Variants in ERCC6L observed in about 807,000 individuals in gnomAD.
The protein encoded by ERCC6L is ERCC excision repair 6 like, spindle assembly checkpoint helicase.
A neutral mutation model predicts 20.1 loss-of-function variants in ERCC6L; 7 were observed. The ratio of observed to expected loss-of-function variants is 0.35; its 90% confidence interval spans 0.20 to 0.65. The LOEUF is 0.65. Among genes scored for constraint, ERCC6L ranks in the 30% least tolerant of loss-of-function variants. ERCC6L has a pLI of 0.69. For synonymous variants in ERCC6L, 278 were observed against 331.3 expected, an observed-to-expected ratio of 0.84 and a Z score of 1.75; for missense variants, 592 against 892.4, an observed-to-expected ratio of 0.66 and a Z score of 4.29.
At chrX:72,216,892 T>C (rs748140037) in intron 1 of ERCC6L, among the ~76,000 whole-genome samples, 3 of 111,984 alleles carry the variant, frequency 2.7e-5, no homozygotes, top group Non-Finnish European at 5.6e-5. Flanking sequence ...AATTTTTCAT[T>C]TTTAGTTAGA....
At chrX:72,224,648 G>A (rs1362548737) in intron 1 of ERCC6L, among the ~76,000 whole-genome samples, 3 of 111,343 alleles carry the variant, frequency 2.7e-5, no homozygotes, top group Non-Finnish European at 5.6e-5. Flanking sequence ...CGGAGGCTGA[G>A]GCAAGAGAAT....
At chrX:72,209,833 C>T (rs768655329) in intron 1 of ERCC6L, among the ~76,000 whole-genome samples, 1 of 111,225 alleles carries the variant, frequency 9.0e-6, no homozygotes, top group Non-Finnish European at 1.9e-5. Flanking sequence ...TCAGTAAGGG[C>T]GCCAAAATAA....
intron 1 of ERCC6L, among the ~76,000 whole-genome samples, chrX:72,224,485 G>A (rs1050153290): frequency 1.2e-4 from 13 of 111,670 alleles, no homozygotes; most frequent in Non-Finnish European, 1.7e-4. Flanking sequence ...CCTGGCTCAC[G>A]CCTGTAATCA....
rs1230861183 is a variant in ERCC6L, at chrX:72,207,432, G to A, written c.1335C>T (p.Asp445=). The A allele has an allele frequency of 2.5e-6, 3 of 1,210,796 alleles. No homozygotes were observed. In the South Asian group the frequency reaches 5.3e-5, roughly 21 times the overall value. ...GNEGEDSPDV[D]HIDQVTDDTL... Reference sequence around the variant, plus strand: ...TGTCATCAGTTACTTGATCAATATGGTCCACATCTGGGGAATCTTCCCCCT... The same window carrying A: ...TGTCATCAGTTACTTGATCAATATGATCCACATCTGGGGAATCTTCCCCCT... Residue 445 remains aspartate, a synonymous_variant, in exon 2 of 2, where the codon GAC becomes GAT. Coordinates refer to ENST00000334463, the MANE Select transcript of ERCC6L (RefSeq NM_017669.4).
chrX:72,215,964 G>A (rs2042885087), intron 1 of ERCC6L, among the ~76,000 whole-genome samples: 1 of 110,058 alleles, frequency 9.1e-6, no homozygotes, highest in Non-Finnish European at 1.9e-5. Flanking sequence ...GGCATTTCTG[G>A]GGATCTTTTT....
chrX:72,206,374 G>T lies in ERCC6L; in HGVS notation c.2393C>A (p.Thr798Asn), dbSNP rs1454242938. 8.3e-7 allele frequency: 1 copy of T among 1,208,025 alleles called. No individual in the cohort carries two copies. Among genetic ancestry groups the T allele is most frequent in the Non-Finnish European group, 1.1e-6 (1 of 894,102 alleles). ...DLSSIKVNVT[T>N]LQDGKGTGSA... is the part of the protein sequence containing the mutation. The stretch of plus-strand genomic sequence containing the variant: ...ACCTGTACCTTTACCATCTTGCAAG[G>T]TGGTAACATTCACCTTTATACTGGA... Residue 798 changes from threonine (T) to asparagine (N), a missense_variant, in exon 2 of 2, where the codon ACC (threonine) becomes AAC (asparagine). Around this residue, in one of 3 missense-constraint regions of ERCC6L, gnomAD observed 352 missense variants for 402.6 expected, o/e 0.87. Transcript: ENST00000334463.
rs753051049 is a variant in ERCC6L, at chrX:72,208,242, G to C, written c.525C>G (p.Thr175=). ...GTTCATCCTTGCTAGGACCATGAAA[G>C]GTTTTGACTCTCATTCCTGGAGTCC... ...IKWTPGMRVK[T]FHGPSKDERT... Residue 175 remains threonine (T), a synonymous_variant, in exon 2 of 2, where the codon ACC becomes ACG. Coordinates refer to ENST00000334463, the MANE Select transcript of ERCC6L (RefSeq NM_017669.4). The C allele has an allele frequency of 1.7e-6, 2 of 1,211,704 alleles. No individual in the cohort carries two copies. The highest frequency in any genetic ancestry group is 2.2e-6 in the Non-Finnish European group (2 of 895,436).
At chrX:72,220,952 A>G (rs1427946999) in intron 1 of ERCC6L, among the ~76,000 whole-genome samples, 1 of 111,887 alleles carries the variant, frequency 8.9e-6, no homozygotes, top group Non-Finnish European at 1.9e-5. Flanking sequence ...GCAGTGGGCA[A>G]CGGCAGCTCA....
chrX:72,205,233 C>T lies in ERCC6L; in HGVS notation c.3534G>A (p.Glu1178=), dbSNP rs2042810366. The T allele has an allele frequency of 2.5e-6, 3 of 1,211,706 alleles. No homozygotes were observed. In the African/African-American group the frequency reaches 5.2e-5, roughly 21 times the overall value. The change falls in exon 2 of 2, where the codon GAG becomes GAA. Residue 1178 remains glutamate (E), a synonymous_variant. Transcript: ENST00000334463. ...CAACCAACTGTTCACCAGACAAAGG[C>T]TCAGGGGCACCAAGAGAGGTCTCTT... ...LAQETSLGAP[E]PLSGEQLVGS...
rs2042821722 is a variant in ERCC6L at position 72,206,548 on chromosome X, G to C, written c.2219C>G (p.Thr740Arg). ...ATTCAATTTAGGGCATTTCTTCTTT[G>C]TTGAAGAAGGAAATACAGGTTCTCT... ...WLREPVFPSS[T>R]KKKCPKLNKP... Residue 740 changes from threonine to arginine, a missense_variant, in exon 2 of 2, where the codon ACA becomes AGA. Around this residue, in one of 3 missense-constraint regions of ERCC6L, gnomAD observed 352 missense variants for 402.6 expected, o/e 0.87. Transcript: ENST00000334463. 5 of 1,210,838 alleles carry C rather than the reference G, an allele frequency of 4.1e-6. No individual in the cohort carries two copies. Among genetic ancestry groups the C allele is most frequent in the Non-Finnish European group, 5.6e-6 (5 of 894,923 alleles).
chrX:72,220,892 C>T (rs376583334), intron 1 of ERCC6L, among the ~76,000 whole-genome samples: 15 of 111,785 alleles, frequency 1.3e-4, no homozygotes, highest in African/African-American at 3.9e-4. Flanking sequence ...TATTTGGTGC[C>T]GAAATCTGGA....
In ERCC6L at chrX:72,205,094, T is replaced by C; in HGVS notation, c.3673A>G (p.Lys1225Glu). The C allele has an allele frequency of 8.3e-7, 1 of 1,211,680 alleles. No individual in the cohort carries two copies. Among genetic ancestry groups the C allele is most frequent in the Non-Finnish European group, 1.1e-6 (1 of 895,341 alleles). The part of the protein sequence containing the change: ...KIQEALNCLV[K>E]ALDIKSADPE... Reference sequence around the variant, plus strand: ...TCTGCACTTTTTATGTCAAGCGCTTTAACTAAGCAGTTTAGGGCCTCCTGG... The same window carrying C: ...TCTGCACTTTTTATGTCAAGCGCTTCAACTAAGCAGTTTAGGGCCTCCTGG... The change falls in exon 2 of 2, where the codon AAA becomes GAA. Residue 1225 changes from lysine to glutamate, a missense_variant. By Grantham distance (56) the Lys-to-Glu change is moderately conservative (BLOSUM62 1). Coordinates refer to ENST00000334463, the MANE Select transcript of ERCC6L (RefSeq NM_017669.4).
At chrX:72,212,170 G>A (rs199878514) in intron 1 of ERCC6L, among the ~76,000 whole-genome samples, 1 of 109,979 alleles carries the variant, frequency 9.1e-6, no homozygotes, top group African/African-American at 3.3e-5. Context: ...CCAGCTACTC[G>A]GGAGGCTGAG....
intron 1 of ERCC6L, among the ~76,000 whole-genome samples, chrX:72,224,764 A>G (rs2042945125): frequency 9.0e-6 from 1 of 111,062 alleles, no homozygotes; most frequent in Non-Finnish European, 1.9e-5. Flanking sequence ...CAAACAAACA[A>G]AAAACACCCA....
Position 72,208,228 on chromosome X carries a change from C to G in ERCC6L, c.539G>C (p.Ser180Thr), listed in dbSNP as rs1391739315. The G allele has an allele frequency of 1.7e-6, 2 of 1,211,463 alleles. No homozygotes were observed. Among genetic ancestry groups the G allele is most frequent in the South Asian group, 3.5e-5 (2 of 56,976 alleles). ...GAGGTTTCTGGTCCGTTCATCCTTGCTAGGACCATGAAAGGTTTTGACTCT... is the reference window on the plus strand; with the variant it reads ...GAGGTTTCTGGTCCGTTCATCCTTGGTAGGACCATGAAAGGTTTTGACTCT... ...GMRVKTFHGP[S>T]KDERTRNLNR... The change falls in exon 2 of 2, where the codon AGC becomes ACC. Residue 180 changes from serine (S) to threonine (T), a missense_variant. Transcript: ENST00000334463.
At chrX:72,231,429 G>T (rs2042982630) in intron 1 of ERCC6L, among the ~76,000 whole-genome samples, 1 of 111,683 alleles carries the variant, frequency 9.0e-6, no homozygotes, top group African/African-American at 3.3e-5. Context: ...GGGGAAAGGA[G>T]AAATGTTAGT....
At chrX:72,224,682 T>C (rs774219966) in intron 1 of ERCC6L, among the ~76,000 whole-genome samples, 2 of 110,597 alleles carry the variant, frequency 1.8e-5, no homozygotes, top group African/African-American at 6.6e-5. Context: ...GAGGTGGAGG[T>C]TGCAGCAAGC....
At position 72,205,451 on chromosome X, in the gene ERCC6L, G is replaced by C; in HGVS notation, c.3316C>G (p.His1106Asp). ...AGTCTTTCCTCCATGTCCTCCACGT[G>C]GTCTAAAACCATATTAATAAGAGAC... ...RRSLINMVLD[H>D]VEDMEERLDD... Residue 1106 changes from histidine (H) to aspartate (D), a missense_variant, in exon 2 of 2, where the codon CAC becomes GAC. His to Asp is a moderately conservative substitution (Grantham distance 81). This residue lies in a region of ERCC6L where 352 missense variants were observed against 402.6 expected (regional missense o/e 0.87). Transcript: ENST00000334463. The C allele has an allele frequency of 8.3e-7, 1 of 1,211,399 alleles. No homozygotes were observed.
chrX:72,226,061 A>C (rs5958804), intron 1 of ERCC6L, among the ~76,000 whole-genome samples: 62 of 111,229 alleles, frequency 5.6e-4, no homozygotes, highest in Admixed American at 2.3e-3. Flanking sequence ...GCTCCATCTC[A>C]TCCTCCTGCA....
Sources: allele counts gnomAD v4.1 joint callset (sites outside exome capture counted in the v4.1 genomes callset), GRCh38; gene constraint gnomAD v4.1.1; regional missense constraint gnomAD v4.1.1; transcripts MANE v1.5; gene names NCBI Gene and HGNC (gene_info 2026-07-23, HGNC 2026-07-21).